The following CCSER1 variants were observed in gnomAD, a reference collection of about 807,000 sequenced individuals.
CCSER1 encodes the protein serine-rich coiled-coil domain-containing protein 1.
A neutral mutation model predicts 82.0 loss-of-function variants in CCSER1; 41 were observed. The observed-to-expected ratio is 0.50, with a 90% CI of 0.39 to 0.65. The LOEUF (loss-of-function observed/expected upper bound fraction) is 0.65. Ranked by LOEUF, CCSER1 falls within the 30% of genes least tolerant of loss-of-function variation. The pLI, the probability that CCSER1 is intolerant of heterozygous loss-of-function variation, is 0.00. For synonymous variants in CCSER1, 414 were observed against 383.9 expected (o/e 1.08, Z -0.92); for missense variants, 1,119 against 1,064.2 (o/e 1.05, Z -0.72).
chr4:90,303,702 A>C (rs1345152016), intron 1 of CCSER1, among the ~76,000 whole-genome samples: 2 of 152,204 alleles, frequency 1.3e-5, no homozygotes, highest in African/African-American at 2.4e-5. Context: ...AAAACCCTAG[A>C]AGAAAACCTA....
At chr4:91,550,958 A>G (rs1762131157) in intron 10 of CCSER1, among the ~76,000 whole-genome samples, 1 of 152,172 alleles carries the variant, frequency 6.6e-6, no homozygotes, top group Non-Finnish European at 1.5e-5. Flanking sequence ...GTTTATGTTC[A>G]TGACTTACTT....
At chr4:90,783,857 T>TACA (rs1754128684) in intron 7 of CCSER1, among the ~76,000 whole-genome samples, 1 of 152,100 alleles carries the variant, frequency 6.6e-6, no homozygotes, top group Non-Finnish European at 1.5e-5. Flanking sequence ...CAGCTGTAAT[T>TACA]GTAAGATTAT....
At chr4:91,124,421 A>C (rs537666743) in intron 10 of CCSER1, among the ~76,000 whole-genome samples, 1 of 151,758 alleles carries the variant, frequency 6.6e-6, no homozygotes, top group African/African-American at 2.4e-5. Context: ...TTTACATATT[A>C]TTTTTTTCCC....
intron 10 of CCSER1, among the ~76,000 whole-genome samples, chr4:91,520,500 T>C (rs564963696): frequency 3.3e-5 from 5 of 152,300 alleles, no homozygotes; most frequent in Middle Eastern, 3.4e-3. Context: ...AACTTGGTTT[T>C]ATAATAATTG....
In CCSER1 at chr4:90,820,737, T is replaced by C. The variant is rs567711691; in HGVS notation, c.2094+4892T>C. Among the ~76,000 whole-genome samples, 246 of 131,938 alleles carry C rather than the reference T, an allele frequency of 1.9e-3. 3 individuals are homozygous for C. The highest frequency in any genetic ancestry group is 0.018 in the Admixed American group (219 of 11,862). 86.6% of individuals were successfully genotyped at this position (131,938 alleles called of 152,430 possible). A position where few individuals can be genotyped will look rare whatever the true frequency, so the allele number is the denominator to read the frequency against. ...TTTATATTTATATAACTGTATTATATATTATATATATTTTTATAGCTATGT... is the reference window on the plus strand; with the variant it reads ...TTTATATTTATATAACTGTATTATACATTATATATATTTTTATAGCTATGT... On this transcript the variant is annotated intron_variant, in intron 8 of 10. Coordinates refer to ENST00000509176, the MANE Select transcript of CCSER1 (RefSeq NM_001145065.2).
At chr4:91,289,462 A>G (rs1643933472) in intron 10 of CCSER1, among the ~76,000 whole-genome samples, 1 of 152,094 alleles carries the variant, frequency 6.6e-6, no homozygotes, top group Admixed American at 6.6e-5. Context: ...ATTTTAATGG[A>G]AGAGTTTGAC....
At chr4:91,170,426 A>G (rs1732631413) in intron 10 of CCSER1, among the ~76,000 whole-genome samples, 1 of 152,138 alleles carries the variant, frequency 6.6e-6, no homozygotes, top group South Asian at 2.1e-4. Context: ...AAGAAGTTGT[A>G]CTTCTTCTGA....
At chr4:91,560,235 G>T (rs986882337) in intron 10 of CCSER1, among the ~76,000 whole-genome samples, 3 of 151,352 alleles carry the variant, frequency 2.0e-5, no homozygotes, top group African/African-American at 7.3e-5. Flanking sequence ...TTCTTTCTCA[G>T]TTTACTTGAC....
chr4:90,188,754 C>T (rs569911816), intron 1 of CCSER1, among the ~76,000 whole-genome samples: 1 of 151,966 alleles, frequency 6.6e-6, no homozygotes, highest in East Asian at 1.9e-4. Context: ...AGAAAGGACT[C>T]CTCCCAAAAA....
chr4:91,142,187 G>A (rs57040208), intron 10 of CCSER1, among the ~76,000 whole-genome samples: 1 of 152,102 alleles, frequency 6.6e-6, no homozygotes, highest in Non-Finnish European at 1.5e-5. Flanking sequence ...CCCCCATACT[G>A]TTCTTGTGGT....
intron 9 of CCSER1, among the ~76,000 whole-genome samples, chr4:90,992,345 A>G (rs1427131748): frequency 6.6e-6 from 1 of 152,088 alleles, no homozygotes; most frequent in African/African-American, 2.4e-5. Context: ...GCTCATACAA[A>G]AAATATTTAA....
intron 10 of CCSER1, among the ~76,000 whole-genome samples, chr4:91,507,529 C>T (rs988453754): frequency 3.3e-5 from 5 of 151,846 alleles, no homozygotes; most frequent in Non-Finnish European, 7.4e-5. Context: ...CTGGGGTTCA[C>T]GCCATTCTCC....
At chr4:90,586,686 A>G (rs1426109140) in intron 5 of CCSER1, among the ~76,000 whole-genome samples, 1 of 152,214 alleles carries the variant, frequency 6.6e-6, no homozygotes, top group African/African-American at 2.4e-5. Flanking sequence ...ACATTTCTTT[A>G]GATTACTTTA....
intron 10 of CCSER1, among the ~76,000 whole-genome samples, chr4:91,524,836 C>T (rs1292566416): frequency 6.6e-6 from 1 of 152,104 alleles, no homozygotes; most frequent in Non-Finnish European, 1.5e-5. Flanking sequence ...ATATTGTCTT[C>T]GTAATAAGAA....
At chr4:90,657,853 C>T (rs554095917) in intron 6 of CCSER1, among the ~76,000 whole-genome samples, 2 of 152,294 alleles carry the variant, frequency 1.3e-5, no homozygotes, top group African/African-American at 4.8e-5. Flanking sequence ...CCTGTAATCC[C>T]AGCACTTTGG....
At chr4:90,966,328 G>GA (rs560886670) in intron 9 of CCSER1, among the ~76,000 whole-genome samples, 14 of 150,396 alleles carry the variant, frequency 9.3e-5, no homozygotes, top group Admixed American at 4.6e-4. Context: ...GAAAGACAAA[G>GA]AAAAAAAAAT....
At chr4:90,529,457 T>C (rs1223497963) in intron 5 of CCSER1, among the ~76,000 whole-genome samples, 1 of 152,154 alleles carries the variant, frequency 6.6e-6, no homozygotes, top group Non-Finnish European at 1.5e-5. Context: ...CTTGAACTCC[T>C]GGCCTCAAGT....
At chr4:90,306,629 T>C (rs564799779) in intron 1 of CCSER1, among the ~76,000 whole-genome samples, 1 of 152,356 alleles carries the variant, frequency 6.6e-6, no homozygotes, top group Non-Finnish European at 1.5e-5. Context: ...TTGTCATTTT[T>C]GTCACATACT....
Position 91,599,102 on chromosome 4 carries a change from G to C in CCSER1, c.*45G>C. On this transcript the variant is annotated 3_prime_UTR_variant, in exon 11 of 11. Coordinates refer to ENST00000509176, the MANE Select transcript of CCSER1 (RefSeq NM_001145065.2). ...TCTTTGGGTAGGATAAAGATGGTTA[G>C]TGTTTCTCGTGCATAGTTCATATTA... is the stretch of plus-strand genomic sequence containing the variant. 2.0e-6 allele frequency: 3 copies of C among 1,469,624 alleles called. No individual in the cohort carries two copies. 91.0% of individuals were successfully genotyped at this position (1,469,624 alleles called of 1,614,324 possible).
Sources: gnomAD v4.1 joint callset for allele counts (sites outside exome capture counted in the v4.1 genomes callset) on GRCh38, gnomAD v4.1.1 for gene constraint, MANE v1.5 for transcripts, NCBI Gene and HGNC (gene_info 2026-07-23, HGNC 2026-07-21) for gene names.